Variants in POU2F1 observed in about 807,000 individuals in gnomAD.
POU2F1 encodes the protein POU domain, class 2, transcription factor 1.
POU2F1 carries 16 observed loss-of-function variants against 84.9 expected under a neutral mutation model. That is an observed-to-expected ratio of 0.19 (90% confidence interval 0.13 to 0.29). The LOEUF is 0.29. POU2F1 is among the 10% of genes least tolerant of loss of function. POU2F1 has a pLI of 1.00. For missense variants in POU2F1, 738 were observed against 942.6 expected (o/e 0.78, Z 2.84); for synonymous variants, 368 against 368.3 (o/e 1.00, Z 0.01).
At chr1:167,337,692 C>CA (rs1231706759) in intron 2 of POU2F1, among the ~76,000 whole-genome samples, 1,520 of 98,050 alleles carry the variant, frequency 0.016, 21 homozygotes, top group African/African-American at 0.046. Context: ...CCACCCCCTG[C>CA]AAAAAAAAAA....
At chr1:167,325,553 T>C (rs1656640655) in intron 1 of POU2F1, among the ~76,000 whole-genome samples, 1 of 152,152 alleles carries the variant, frequency 6.6e-6, no homozygotes, top group Admixed American at 6.5e-5. Flanking sequence ...TTTCTAATGA[T>C]ACCTACACTG....
chr1:167,413,433 T>C (rs570588982), intron 15 of POU2F1, among the ~76,000 whole-genome samples: 58 of 152,262 alleles, frequency 3.8e-4, no homozygotes, highest in Admixed American at 3.5e-3. Flanking sequence ...CAGATTTTTT[T>C]CCCCTGATAA....
chr1:167,304,738 T>C (rs955356849), intron 1 of POU2F1, among the ~76,000 whole-genome samples: 1 of 152,248 alleles, frequency 6.6e-6, no homozygotes, highest in Admixed American at 6.5e-5. Flanking sequence ...GTAAACTATG[T>C]TGAAGTTCAA....
chr1:167,312,419 CATCTCGTT>C (rs1655562130), intron 1 of POU2F1, among the ~76,000 whole-genome samples: 1 of 151,922 alleles, frequency 6.6e-6, no homozygotes, highest in Non-Finnish European at 1.5e-5. Flanking sequence ...AATGAGGTTT[CATCTCGTT>C]TGTTGTTGGC....
chr1:167,312,449 C>A (rs1203353730), intron 1 of POU2F1, among the ~76,000 whole-genome samples: 1 of 151,892 alleles, frequency 6.6e-6, no homozygotes. Flanking sequence ...AGGCGGGTCT[C>A]GAACTCCTGA....
chr1:167,358,716 C>CTTTTTTTTTTTTTTTTTTTTTTT lies in POU2F1; in HGVS notation c.128-6730_128-6729insTTTTTTTTTTTTTTTTTTTTTTT, dbSNP rs1197814755. ...TTCTTAATCTTTTTATTATCTGCAG[C>CTTTTTTTTTTTTTTTTTTTTTTT]TTTTTTTTTTTTTTTTTTTTTGAGA... On this transcript the variant is annotated intron_variant, in intron 2 of 15. Coordinates refer to ENST00000367866, the MANE Select transcript of POU2F1 (RefSeq NM_002697.4). 5.7e-4 allele frequency among the ~76,000 whole-genome samples: 22 copies of CTTTTTTTTTTTTTTTTTTTTTTT among 38,354 alleles called. 3 individuals are homozygous for CTTTTTTTTTTTTTTTTTTTTTTT. The highest frequency in any genetic ancestry group is 1.4e-3 in the African/African-American group (20 of 14,014). 25.2% of individuals were successfully genotyped at this position (38,354 alleles called of 152,430 possible).
chr1:167,221,579 G>T (rs1357085278), intron 1 of POU2F1, among the ~76,000 whole-genome samples: 1 of 150,104 alleles, frequency 6.7e-6, no homozygotes, highest in Non-Finnish European at 1.5e-5. Flanking sequence ...TGCCCGCCTT[G>T]GGGGGCGGCC....
intron 2 of POU2F1, among the ~76,000 whole-genome samples, chr1:167,354,757 T>C (rs1326051893): frequency 6.6e-6 from 1 of 152,220 alleles, no homozygotes; most frequent in Non-Finnish European, 1.5e-5. Flanking sequence ...ATTGGGGTTT[T>C]AATTTGCATT....
intron 1 of POU2F1, among the ~76,000 whole-genome samples, chr1:167,310,804 T>C (rs1280907344): frequency 6.6e-6 from 1 of 151,950 alleles, no homozygotes; most frequent in Non-Finnish European, 1.5e-5. Flanking sequence ...CCTCAGTAGA[T>C]AGAAAATACA....
Position 167,398,065 on chromosome 1 carries a change from C to T in POU2F1, c.1201C>T (p.Arg401Cys). 1 of 1,614,004 alleles carries T rather than the reference C, an allele frequency of 6.2e-7. No individual in the cohort carries two copies. Among genetic ancestry groups the T allele is most frequent in the Non-Finnish European group, 8.5e-7 (1 of 1,179,968 alleles). ...LNSPGIEGLS[R>C]RRKKRTSIET... ...TTCTCCAGGAATTGAGGGCTTGAGC[C>T]GTAGGAGGAAGAAACGCACCAGCAT... Residue 401 changes from arginine (R) to cysteine (C), a missense_variant, in exon 11 of 16, where the codon CGT (arginine) becomes TGT (cysteine). Arg to Cys is a radical substitution (Grantham distance 180). Transcript: ENST00000367866.
intron 1 of POU2F1, among the ~76,000 whole-genome samples, chr1:167,301,006 G>T (rs900406179): frequency 6.6e-6 from 1 of 152,142 alleles, no homozygotes; most frequent in Admixed American, 6.5e-5. Flanking sequence ...CTAACCTCAG[G>T]TGATCCGCCT....
At chr1:167,400,982 GAC>G (rs1649164831) in intron 12 of POU2F1, among the ~76,000 whole-genome samples, 2 of 152,272 alleles carry the variant, frequency 1.3e-5, no homozygotes, top group Non-Finnish European at 2.9e-5. Flanking sequence ...CTAAAAGAAA[GAC>G]AGTATTTCTT....
At position 167,322,382 on chromosome 1, in the gene POU2F1, C is replaced by T. The variant is rs187744258; in HGVS notation, c.62-10088C>T. ...TCTATGACTTCTGTACGTACTTGCA[C>T]TCCTTTTAAATTTAAACTAGACATA... On this transcript the variant is annotated intron_variant, in intron 1 of 15. Coordinates refer to ENST00000367866, the MANE Select transcript of POU2F1 (RefSeq NM_002697.4). Among the ~76,000 whole-genome samples, 19 of 152,334 alleles carry T rather than the reference C, an allele frequency of 1.2e-4. No homozygotes were observed. The East Asian group carries it at 3.7e-3, about 29-fold the overall frequency.
In POU2F1 at chr1:167,220,886, A is replaced by G; in HGVS notation, c.-12A>G. ...GTTTATCGACCGGGCGATTTTGGTT[A>G]AAATATTCAAAATGGCGGACGGAGG... On this transcript the variant is annotated 5_prime_UTR_variant, in exon 1 of 16. Coordinates refer to ENST00000367866, the MANE Select transcript of POU2F1 (RefSeq NM_002697.4). 1 of 1,534,564 alleles carries G rather than the reference A, an allele frequency of 6.5e-7. No individual in the cohort carries two copies. Among genetic ancestry groups the G allele is most frequent in the East Asian group, 2.4e-5 (1 of 40,864 alleles).
intron 1 of POU2F1, among the ~76,000 whole-genome samples, chr1:167,321,208 G>A (rs1656290746): frequency 6.6e-6 from 1 of 152,228 alleles, no homozygotes; most frequent in Non-Finnish European, 1.5e-5. Context: ...TTTTTTACGA[G>A]TAGGTTCAAT....
chr1:167,277,357 C>T (rs867345962), intron 1 of POU2F1, among the ~76,000 whole-genome samples: 145 of 152,202 alleles, frequency 9.5e-4, no homozygotes, highest in African/African-American at 3.4e-3. Flanking sequence ...CTGCCTTGGC[C>T]TCCTAAGTAA....
rs1650387818 is a variant in POU2F1 at position 167,417,512 on chromosome 1, G to A, written c.*1702G>A. 6.6e-6 allele frequency: 1 copy of A among 152,108 alleles called. No homozygotes were observed. The highest frequency in any genetic ancestry group is 6.5e-5 in the Admixed American group (1 of 15,278). The allele number at this position is 152,108 out of a possible 1,614,324, so 9.4% of individuals were successfully genotyped here. A position where few individuals can be genotyped will look rare whatever the true frequency, so the allele number is the denominator to read the frequency against. On this transcript the variant is annotated 3_prime_UTR_variant, in exon 16 of 16. Transcript: ENST00000367866. ...AGATTAAATTCCTTTTTTTGTCAGT[G>A]TACTGTTGTTATGCCATCTGTACCA... is the stretch of plus-strand genomic sequence containing the variant.
rs954816979 is a variant in POU2F1, at chr1:167,328,933, A to G, written c.62-3537A>G. On this transcript the variant is annotated intron_variant, in intron 1 of 15. Transcript: ENST00000367866. ...ATCACGCGCATACTGATTAAGCTTC[A>G]TTATGGAAACTGCCAGCTGCAATCT... 4 of 686,072 alleles carry G rather than the reference A, an allele frequency of 5.8e-6. No homozygotes were observed. The African/African-American group carries it at 7.8e-5, about 13-fold the overall frequency. The allele number at this position is 686,072 out of a possible 1,614,324, so 42.5% of individuals were successfully genotyped here.
intron 1 of POU2F1, among the ~76,000 whole-genome samples, chr1:167,289,177 A>AGC (rs1653740475): frequency 6.6e-6 from 1 of 152,102 alleles, no homozygotes; most frequent in Admixed American, 6.6e-5. Context: ...TCTTTTTTTG[A>AGC]AATAGTTTCT....
Sources: allele counts gnomAD v4.1 joint callset (sites outside exome capture counted in the v4.1 genomes callset), GRCh38; gene constraint gnomAD v4.1.1; transcripts MANE v1.5; gene names NCBI Gene and HGNC (gene_info 2026-07-23, HGNC 2026-07-21).